Variants in SAP130 observed in about 807,000 individuals in gnomAD.
The protein encoded by SAP130 is histone deacetylase complex subunit SAP130.
SAP130 carries 16 observed loss-of-function variants against 103.2 expected under a neutral mutation model. The ratio of observed to expected loss-of-function variants is 0.16; its 90% confidence interval spans 0.10 to 0.24. The LOEUF is 0.24. Ranked by LOEUF, SAP130 falls within the 10% of genes least tolerant of loss-of-function variation. The pLI is 1.00. For synonymous variants in SAP130, 477 were observed against 497.0 expected (o/e 0.96, Z 0.53); for missense variants, 990 against 1,359.7 (o/e 0.73, Z 4.28).
intron 7 of SAP130, among the ~76,000 whole-genome samples, chr2:128,009,132 G>A (rs763340021): frequency 9.2e-5 from 14 of 151,902 alleles, no homozygotes; most frequent in Non-Finnish European, 1.8e-4. Flanking sequence ...CACCCCCACC[G>A]CCTGCCCCAG....
At chr2:127,990,700 G>A (rs1682728697) in intron 12 of SAP130, among the ~76,000 whole-genome samples, 1 of 152,202 alleles carries the variant, frequency 6.6e-6, no homozygotes, top group East Asian at 1.9e-4. Flanking sequence ...CAACGCTTTG[G>A]GAGACTGAGG....
intron 14 of SAP130, among the ~76,000 whole-genome samples, chr2:127,982,028 T>C (rs1360586435): frequency 6.6e-6 from 1 of 152,182 alleles, no homozygotes; most frequent in Admixed American, 6.5e-5. Context: ...TCTTGACCTA[T>C]ACAGTGGTTG....
At chr2:128,005,301 G>T (rs1683874357) in intron 7 of SAP130, among the ~76,000 whole-genome samples, 2 of 152,068 alleles carry the variant, frequency 1.3e-5, no homozygotes, top group Admixed American at 1.3e-4. Context: ...AACATTAAAG[G>T]GAACAGTTAA....
chr2:127,980,202 T>A (rs1681764984), intron 14 of SAP130, among the ~76,000 whole-genome samples: 1 of 152,000 alleles, frequency 6.6e-6, no homozygotes, highest in Admixed American at 6.6e-5. Flanking sequence ...ATGTTTAAAC[T>A]TTTCCATAAC....
In SAP130 at chr2:127,950,283, G is replaced by A; in HGVS notation, c.2548C>T (p.His850Tyr). ...TCACCTTCTTCTGTTGAGATCACAT[G>A]CTGTTGCTTTCGAGGCTTTTTCCTT... ...SPRKKPRKQQ[H>Y]VISTEEGDMM... Residue 850 changes from histidine (H) to tyrosine (Y), a missense_variant, in exon 17 of 21, where the codon CAT (histidine) becomes TAT (tyrosine). By Grantham distance (83) the His-to-Tyr change is moderately conservative. Transcript: ENST00000643581. 2 of 1,614,188 alleles carry A rather than the reference G, an allele frequency of 1.2e-6. No homozygotes were observed. Among genetic ancestry groups the A allele is most frequent in the Non-Finnish European group, 1.7e-6 (2 of 1,180,040 alleles).
At chr2:127,952,797 C>A (rs1383821903) in intron 16 of SAP130, among the ~76,000 whole-genome samples, 1 of 152,140 alleles carries the variant, frequency 6.6e-6, no homozygotes, top group Non-Finnish European at 1.5e-5. Flanking sequence ...GATATTCCTA[C>A]CCTGTGTTCC....
chr2:128,013,237 A>G (rs1432705334), intron 5 of SAP130, 83 bp from the exon 6 acceptor site: 1 of 1,328,940 alleles, frequency 7.5e-7, no homozygotes, highest in African/African-American at 1.5e-5. Context: ...AAACTCAGAT[A>G]GCATGTCAAT....
chr2:127,998,383 A>G (rs984591560), intron 10 of SAP130, among the ~76,000 whole-genome samples: 18 of 152,300 alleles, frequency 1.2e-4, no homozygotes, highest in Non-Finnish European at 2.4e-4. Context: ...GAGCCAACAT[A>G]TTCCTAATAA....
chr2:128,007,320 C>T (rs1403967466), intron 7 of SAP130, among the ~76,000 whole-genome samples: 1 of 152,146 alleles, frequency 6.6e-6, no homozygotes, highest in Non-Finnish European at 1.5e-5. Flanking sequence ...ATAGGCACTC[C>T]AAGTAACCTG....
intron 14 of SAP130, among the ~76,000 whole-genome samples, chr2:127,983,563 G>T (rs1249219715): frequency 6.6e-6 from 1 of 152,158 alleles, no homozygotes; most frequent in African/African-American, 2.4e-5. Context: ...TTTAAAGCAA[G>T]AAGGCGTGGA....
At chr2:128,016,638 G>C in intron 3 of SAP130, 91 bp from the exon 4 acceptor site, 1 of 1,397,042 alleles carries the variant, frequency 7.2e-7, no homozygotes, top group Non-Finnish European at 9.7e-7. Context: ...ATCGAACCTG[G>C]AAAGTGCCAG....
intron 3 of SAP130, among the ~76,000 whole-genome samples, chr2:128,017,092 C>T (rs1247054175): frequency 2.6e-5 from 4 of 152,234 alleles, no homozygotes; most frequent in East Asian, 1.9e-4. Context: ...GAAGCTAAGG[C>T]GGGCAGACCA....
At chr2:127,968,931 GTACAGC>G (rs1680873059) in intron 15 of SAP130, among the ~76,000 whole-genome samples, 1 of 152,204 alleles carries the variant, frequency 6.6e-6, no homozygotes, top group Admixed American at 6.5e-5. Context: ...AAATCTTTCA[GTACAGC>G]TACACCAGAC....
At position 127,942,619 on chromosome 2, in the gene SAP130, T is replaced by C; in HGVS notation, c.2902-82A>G. The C allele has an allele frequency of 1.3e-6, 1 of 790,436 alleles. No homozygotes were observed. Among genetic ancestry groups the C allele is most frequent in the South Asian group, 1.5e-5 (1 of 67,322 alleles). 49.0% of individuals were successfully genotyped at this position (790,436 alleles called of 1,614,324 possible). ...CCCAGGCAAATGAACCCACCTTCAATCACCTTTGTAAACTGTCTAAGAGTT... is the reference window on the plus strand; with the variant it reads ...CCCAGGCAAATGAACCCACCTTCAACCACCTTTGTAAACTGTCTAAGAGTT... On this transcript the variant is annotated intron_variant, in intron 19 of 20. Transcript: ENST00000643581. The surrounding 1 kb of genome is among the most constrained non-coding windows in gnomAD (Gnocchi z 4.8).
chr2:128,018,687 G>T, intron 2 of SAP130, among the ~76,000 whole-genome samples: 1 of 151,828 alleles, frequency 6.6e-6, no homozygotes, highest in African/African-American at 2.4e-5. Context: ...AGCTATATTG[G>T]AGGCAGAGGG....
intron 12 of SAP130, among the ~76,000 whole-genome samples, chr2:127,991,394 T>C (rs925730620): frequency 6.6e-6 from 1 of 152,138 alleles, no homozygotes; most frequent in African/African-American, 2.4e-5. Flanking sequence ...TTGAGTGCGG[T>C]GGTGCAAACA....
In SAP130 at chr2:127,996,655, T is replaced by C. The variant is rs1242087383; in HGVS notation, c.1214-164A>G. Among the ~76,000 whole-genome samples, 1 of 152,232 alleles carries C rather than the reference T, an allele frequency of 6.6e-6. No individual in the cohort carries two copies. Among genetic ancestry groups the C allele is most frequent in the African/African-American group, 2.4e-5 (1 of 41,462 alleles). On this transcript the variant is annotated intron_variant, in intron 10 of 20. Transcript: ENST00000643581. The surrounding 1 kb of genome is among the most constrained non-coding windows in gnomAD (Gnocchi z 4.3). ...ATAAGTACAAAGTTCAACAGAATTA[T>C]TTCAATCCTATCATTCACTGATATA...
At chr2:128,003,655 C>G (rs73955789) in intron 7 of SAP130, among the ~76,000 whole-genome samples, 17 of 151,962 alleles carry the variant, frequency 1.1e-4, no homozygotes, top group African/African-American at 4.1e-4. Context: ...TCCATAGTGA[C>G]TCACCCACAC....
At position 127,955,448 on chromosome 2, in the gene SAP130, A is replaced by G; in HGVS notation, c.2064-104T>C. The G allele has an allele frequency of 1.4e-6, 1 of 725,482 alleles. No individual in the cohort carries two copies. Among genetic ancestry groups the G allele is most frequent in the Non-Finnish European group, 2.2e-6 (1 of 448,326 alleles). The allele number at this position is 725,482 out of a possible 1,614,324, so 44.9% of individuals were successfully genotyped here. On this transcript the variant is annotated intron_variant, in intron 15 of 20. Coordinates refer to ENST00000643581, the MANE Select transcript of SAP130 (RefSeq NM_001330301.2). This position sits in a 1 kb window ranked among gnomAD's most constrained non-coding sequence, Gnocchi z 4.9. ...TTGTCCAATTATTTCTGTCCAGCAC[A>G]CTGCACAATTTATACTCTATTTCCT...
Sources: gnomAD v4.1 joint callset for allele counts (sites outside exome capture counted in the v4.1 genomes callset) on GRCh38, gnomAD v4.1.1 for gene constraint, Gnocchi (gnomAD v3.1) non-coding constraint, MANE v1.5 for transcripts, NCBI Gene and HGNC (gene_info 2026-07-23, HGNC 2026-07-21) for gene names.